Variants in ATP2C2 observed in about 807,000 individuals in gnomAD.
ATP2C2 encodes calcium-transporting ATPase type 2C member 2.
Under a neutral mutation model 110.8 loss-of-function variants are expected in ATP2C2, and 171 were observed. The observed-to-expected ratio is 1.54, with a 90% CI of 1.36 to 1.75. The LOEUF (loss-of-function observed/expected upper bound fraction) is 1.75. Among genes scored for constraint, ATP2C2 ranks in the 40% most tolerant of loss-of-function variants. The pLI is 0.00. For missense variants in ATP2C2, 1,963 were observed against 1,235.0 expected, an observed-to-expected ratio of 1.59 and a Z score of -8.84; for synonymous variants, 804 against 508.4, an observed-to-expected ratio of 1.58 and a Z score of -7.82.
chr16:84,451,051 G>C (rs1295980457), intron 17 of ATP2C2, among the ~76,000 whole-genome samples: 2 of 152,164 alleles, frequency 1.3e-5, no homozygotes, highest in African/African-American at 2.4e-5. Flanking sequence ...AGACAGACCT[G>C]AGACTAGGTA....
rs1452329347 is a variant in ATP2C2, at chr16:84,412,330, GTGTC to G, written c.515+1569_515+1572del. On this transcript the variant is annotated intron_variant, in intron 6 of 26. Coordinates refer to ENST00000262429, the MANE Select transcript of ATP2C2 (RefSeq NM_014861.4). Reference sequence around the variant, plus strand: ...CATGTCTGCACGTGTGTGTGCGTGTGTGTCTGTATGCGTGTGTCTGCGTGCGTGT... The same window carrying G: ...CATGTCTGCACGTGTGTGTGCGTGTGTGTATGCGTGTGTCTGCGTGCGTGT... Among the ~76,000 whole-genome samples, 29 of 145,582 alleles carry G rather than the reference GTGTC, an allele frequency of 2.0e-4. 2 individuals are homozygous for G. The South Asian group carries it at 4.8e-3, about 24-fold the overall frequency.
chr16:84,443,473 G>A lies in ATP2C2; in HGVS notation c.1401+874G>A, dbSNP rs547943544. Among the ~76,000 whole-genome samples the A allele has an allele frequency of 4.6e-5, 7 of 152,284 alleles. No individual in the cohort carries two copies. The South Asian group carries it at 1.4e-3, about 32-fold the overall frequency. The stretch of plus-strand genomic sequence containing the variant: ...GGTCAAGGGAAAAGCCCGACTCAGG[G>A]TGCTCATCCCCCAGCACGGACCCCT... On this transcript the variant is annotated intron_variant, in intron 15 of 26. Transcript: ENST00000262429.
rs181159665 is a variant in ATP2C2 at position 84,464,135 on chromosome 16, C to T, written c.*403C>T. The T allele has an allele frequency of 4.1e-3, 651 of 160,358 alleles. 3 individuals are homozygous for T. Among genetic ancestry groups the T allele is most frequent in the Non-Finnish European group, 6.4e-3 (471 of 73,478 alleles). 9.9% of individuals were successfully genotyped at this position (160,358 alleles called of 1,614,324 possible). A position where few individuals can be genotyped will look rare whatever the true frequency, so the allele number is the denominator to read the frequency against. On this transcript the variant is annotated 3_prime_UTR_variant, in exon 27 of 27. Transcript: ENST00000262429. ...ATTGCCCTCCTGGAGGCCCCATTTC[C>T]TCATCATAAAATGAGGGACTTTTAA... is the stretch of plus-strand genomic sequence containing the variant.
intron 16 of ATP2C2, 74 bp downstream of exon 16, chr16:84,446,504 A>G: frequency 9.3e-7 from 1 of 1,076,912 alleles, no homozygotes; most frequent in Non-Finnish European, 1.3e-6. Flanking sequence ...CAAAATGCAG[A>G]CTTCAAGGAT....
intron 1 of ATP2C2, among the ~76,000 whole-genome samples, chr16:84,397,755 A>G (rs1041215751): frequency 4.6e-5 from 7 of 151,654 alleles, no homozygotes; most frequent in Non-Finnish European, 8.8e-5. Context: ...GAACAAATAC[A>G]ATGTGATCTA....
intron 1 of ATP2C2, among the ~76,000 whole-genome samples, chr16:84,373,924 T>G (rs1910108176): frequency 6.6e-6 from 1 of 152,228 alleles, no homozygotes; most frequent in African/African-American, 2.4e-5. Context: ...TTTACATTTG[T>G]CAGGACTTTG....
intron 1 of ATP2C2, among the ~76,000 whole-genome samples, chr16:84,385,483 G>A (rs575782744): frequency 1.2e-4 from 18 of 152,194 alleles, no homozygotes; most frequent in African/African-American, 3.6e-4. Context: ...CTCATTTAAC[G>A]TCTCCTGTAA....
At position 84,459,396 on chromosome 16, in the gene ATP2C2, G is replaced by A. The variant is rs1911032536; in HGVS notation, c.2333+10G>A. 1 of 1,612,616 alleles carries A rather than the reference G, an allele frequency of 6.2e-7. No homozygotes were observed. The highest frequency in any genetic ancestry group is 8.5e-7 in the Non-Finnish European group (1 of 1,178,784). ...GGCCACCGGCGCAGAGGTGAGGCAG[G>A]GCCGGCTGGGAGCCCTGTGTCTCTT... is the stretch of plus-strand genomic sequence containing the variant. On this transcript the variant is annotated intron_variant, in intron 23 of 26. Coordinates refer to ENST00000262429, the MANE Select transcript of ATP2C2 (RefSeq NM_014861.4).
At chr16:84,427,193 C>G (rs1012923936) in intron 11 of ATP2C2, among the ~76,000 whole-genome samples, 1 of 152,198 alleles carries the variant, frequency 6.6e-6, no homozygotes, top group East Asian at 1.9e-4. Flanking sequence ...AGTGTCTGTT[C>G]ATATGTATAT....
Position 84,462,074 on chromosome 16 carries a change from C to A in ATP2C2, c.2667C>A (p.Val889=), listed in dbSNP as rs756801529. ...GGTCCATCCTGGGGCAGCTGGCGGT[C>A]ATTTACATCCCCCCGCTGCAGAGGG... ...VLGSILGQLA[V]IYIPPLQRVF... The change falls in exon 26 of 27, where the codon GTC becomes GTA. Residue 889 remains valine (V), a synonymous_variant. Transcript: ENST00000262429. 10 of 1,613,906 alleles carry A rather than the reference C, an allele frequency of 6.2e-6. No individual in the cohort carries two copies. In the African/African-American group the frequency reaches 1.2e-4, roughly 19 times the overall value.
intron 23 of ATP2C2, chr16:84,459,856 C>G (rs980797098): frequency 4.3e-5 from 17 of 394,634 alleles, no homozygotes; most frequent in Non-Finnish European, 8.1e-5. Flanking sequence ...TGTTTCATCC[C>G]TGATGTCTAG....
At chr16:84,414,743 C>T (rs1468740671) in intron 6 of ATP2C2, among the ~76,000 whole-genome samples, 1 of 152,148 alleles carries the variant, frequency 6.6e-6, no homozygotes, top group Non-Finnish European at 1.5e-5. Flanking sequence ...CCAGAAGGAG[C>T]CTGTGCGTTT....
At position 84,420,471 on chromosome 16, in the gene ATP2C2, TC is replaced by T. The variant is rs71923896; in HGVS notation, c.625-1918del. 4.9e-3 allele frequency among the ~76,000 whole-genome samples: 396 copies of T among 80,702 alleles called. 3 individuals are homozygous for T. Among genetic ancestry groups the T allele is most frequent in the African/African-American group, 0.014 (335 of 23,530 alleles). 52.9% of individuals were successfully genotyped at this position (80,702 alleles called of 152,430 possible). A position where few individuals can be genotyped will look rare whatever the true frequency, so the allele number is the denominator to read the frequency against. ...GTCATCTTTGATCTCTCCCTTTCTT[TC>T]TTTTTTTTTTTTTTTTAAAGGACTT... is the stretch of plus-strand genomic sequence containing the variant. On this transcript the variant is annotated intron_variant, in intron 7 of 26. Coordinates refer to ENST00000262429, the MANE Select transcript of ATP2C2 (RefSeq NM_014861.4).
At chr16:84,372,176 G>A (rs1909991810) in intron 1 of ATP2C2, among the ~76,000 whole-genome samples, 1 of 152,126 alleles carries the variant, frequency 6.6e-6, no homozygotes, top group Non-Finnish European at 1.5e-5. Context: ...GATCGTTGAA[G>A]GGTTTTAAGT....
chr16:84,416,822 C>G (rs1324353204), intron 7 of ATP2C2, among the ~76,000 whole-genome samples: 3 of 152,304 alleles, frequency 2.0e-5, no homozygotes, highest in East Asian at 1.9e-4. Flanking sequence ...GTGCATGGAT[C>G]CGGTCAGAGG....
intron 1 of ATP2C2, among the ~76,000 whole-genome samples, chr16:84,377,252 AGTAG>A (rs1242295037): frequency 6.6e-6 from 1 of 152,186 alleles, no homozygotes; most frequent in East Asian, 1.9e-4. Flanking sequence ...AGTCTTAGCA[AGTAG>A]TGGAAATCAT....
At chr16:84,422,311 C>T in intron 7 of ATP2C2, 79 bp from the exon 8 acceptor site, 3 of 1,492,798 alleles carry the variant, frequency 2.0e-6, no homozygotes, top group Non-Finnish European at 2.7e-6. Flanking sequence ...CATGAAGGTG[C>T]TGGTACCATT....
At chr16:84,449,781 G>A (rs771696149) in intron 17 of ATP2C2, among the ~76,000 whole-genome samples, 6 of 152,240 alleles carry the variant, frequency 3.9e-5, no homozygotes, top group Admixed American at 6.5e-5. Context: ...ATACGACCAA[G>A]CCATTCAGTA....
At chr16:84,411,309 A>G (rs1433990511) in intron 6 of ATP2C2, among the ~76,000 whole-genome samples, 3 of 152,204 alleles carry the variant, frequency 2.0e-5, no homozygotes, top group Non-Finnish European at 4.4e-5. Flanking sequence ...ATGTTTAACA[A>G]GGAAAGAGAC....
Sources: gnomAD v4.1 joint callset for allele counts (sites outside exome capture counted in the v4.1 genomes callset) on GRCh38, gnomAD v4.1.1 for gene constraint, MANE v1.5 for transcripts, NCBI Gene and HGNC (gene_info 2026-07-23, HGNC 2026-07-21) for gene names.